TUT4: variants seen among roughly 807,000 people sequenced by gnomAD.
The protein encoded by TUT4 is terminal uridylyl transferase 4.
In TUT4, 36 loss-of-function variants were observed where a neutral mutation model predicts 192.2. That is an observed-to-expected ratio of 0.19 (90% CI 0.14 to 0.25). TUT4 has a LOEUF of 0.25. Ranked by LOEUF, TUT4 falls within the 10% of genes least tolerant of loss-of-function variation. The pLI, the probability that TUT4 is intolerant of heterozygous loss-of-function variation, is 1.00. For missense variants in TUT4, 1,493 were observed against 1,957.2 expected, an observed-to-expected ratio of 0.76 and a Z score of 4.47; for synonymous variants, 618 against 666.0, an observed-to-expected ratio of 0.93 and a Z score of 1.11.
chr1:52,511,065 A>G (rs546697664), intron 3 of TUT4, among the ~76,000 whole-genome samples: 4 of 152,186 alleles, frequency 2.6e-5, no homozygotes, highest in African/African-American at 9.6e-5. Flanking sequence ...AAAATTACAT[A>G]ATTTCTTTTA....
At chr1:52,477,997 T>A in intron 11 of TUT4, 115 bp from the exon 12 acceptor site, 1 of 997,874 alleles carries the variant, frequency 1.0e-6, no homozygotes, top group Non-Finnish European at 1.4e-6. Context: ...CATGAAGGAG[T>A]AATTTGCCAA....
chr1:52,440,203 G>A lies in TUT4; in HGVS notation c.3823-1868C>T, dbSNP rs369109031. Among the ~76,000 whole-genome samples the A allele has an allele frequency of 1.2e-4, 19 of 152,210 alleles. No individual in the cohort carries two copies. The East Asian group carries it at 2.5e-3, about 20-fold the overall frequency. The stretch of plus-strand genomic sequence containing the variant: ...TGTTCTAAAATTAAATTGTGGGGAC[G>A]GTTGCACAATCCTGTATATATATTA... On this transcript the variant is annotated intron_variant, in intron 24 of 29. Transcript: ENST00000257177.
chr1:52,468,472 G>A, intron 14 of TUT4: 3 of 463,396 alleles, frequency 6.5e-6, no homozygotes, highest in South Asian at 3.6e-5. Context: ...AGCAACCCAG[G>A]GGAAGAAACG....
intron 20 of TUT4, among the ~76,000 whole-genome samples, chr1:52,452,382 C>G (rs535086769): frequency 5.9e-5 from 9 of 152,280 alleles, no homozygotes; most frequent in African/African-American, 1.9e-4. Context: ...TTTTTGTATG[C>G]AAGCAAGTTG....
intron 24 of TUT4, 123 bp from the exon 25 acceptor site, chr1:52,438,458 C>A: frequency 1.5e-6 from 1 of 649,454 alleles, no homozygotes; most frequent in Admixed American, 3.1e-5. Context: ...ACAAATATTT[C>A]ACTGTAAGAA....
At chr1:52,424,261 T>C in intron 29 of TUT4, 1 of 450,834 alleles carries the variant, frequency 2.2e-6, no homozygotes, top group South Asian at 2.5e-5. Flanking sequence ...AGTTGCAGAC[T>C]CTCCCCTCCT....
At chr1:52,543,269 G>A (rs1426987006) in intron 1 of TUT4, among the ~76,000 whole-genome samples, 2 of 151,922 alleles carry the variant, frequency 1.3e-5, no homozygotes, top group South Asian at 2.1e-4. Context: ...GTCAACACAC[G>A]AAAAACCAGC....
Position 52,548,139 on chromosome 1 carries a change from T to C in TUT4, c.-94+4792A>G, listed in dbSNP as rs138248342. ...GTCAAATTGTGTCTTAATATTACCA[T>C]GAAAACAGTTTGACTCAGAGACACC... On this transcript the variant is annotated intron_variant, in intron 1 of 29. Transcript: ENST00000257177. Among the ~76,000 whole-genome samples, 764 of 152,206 alleles carry C rather than the reference T, an allele frequency of 5.0e-3. 6 individuals carry two copies. The highest frequency in any genetic ancestry group is 0.017 in the African/African-American group (708 of 41,522).
intron 13 of TUT4, among the ~76,000 whole-genome samples, chr1:52,474,583 T>C (rs1235291893): frequency 4.6e-5 from 7 of 152,302 alleles, no homozygotes; most frequent in Non-Finnish European, 1.0e-4. Context: ...AAATATCAGA[T>C]GAATCCTTTC....
intron 20 of TUT4, among the ~76,000 whole-genome samples, chr1:52,448,720 G>T (rs1420258732): frequency 6.6e-6 from 1 of 151,492 alleles, no homozygotes; most frequent in Non-Finnish European, 1.5e-5. Context: ...TATCCTTAAA[G>T]ATTCAGACGC....
chr1:52,490,001 C>T (rs1390319240), intron 8 of TUT4, among the ~76,000 whole-genome samples: 3 of 152,090 alleles, frequency 2.0e-5, no homozygotes, highest in Non-Finnish European at 4.4e-5. Flanking sequence ...ATCTCTTAGA[C>T]TTATAGACAT....
At chr1:52,527,627 A>G (rs1571310797) in intron 1 of TUT4, among the ~76,000 whole-genome samples, 1 of 152,214 alleles carries the variant, frequency 6.6e-6, no homozygotes, top group South Asian at 2.1e-4. Flanking sequence ...CTATGACACT[A>G]TAATAGTGAA....
chr1:52,444,096 C>T (rs1656597410), intron 24 of TUT4, among the ~76,000 whole-genome samples: 1 of 151,932 alleles, frequency 6.6e-6, no homozygotes, highest in South Asian at 2.1e-4. Flanking sequence ...ATTAGCTGGG[C>T]GTGGTGTCGG....
At chr1:52,454,347 A>G (rs959757062) in intron 20 of TUT4, among the ~76,000 whole-genome samples, 8 of 152,216 alleles carry the variant, frequency 5.3e-5, no homozygotes, top group Admixed American at 5.2e-4. Flanking sequence ...TACTATAAAT[A>G]AGAGAGTATG....
intron 20 of TUT4, among the ~76,000 whole-genome samples, chr1:52,457,428 G>T (rs572925603): frequency 6.6e-6 from 1 of 151,954 alleles, no homozygotes; most frequent in Admixed American, 6.6e-5. Context: ...TAGAGACGGG[G>T]TTTCACCATG....
intron 9 of TUT4, among the ~76,000 whole-genome samples, chr1:52,482,685 C>T (rs1369465595): frequency 1.2e-4 from 19 of 152,154 alleles, no homozygotes; most frequent in South Asian, 2.1e-4. Flanking sequence ...TCTCCCCGCT[C>T]GGCCTCCCAA....
At chr1:52,511,994 G>A (rs780096683) in intron 3 of TUT4, among the ~76,000 whole-genome samples, 1 of 152,180 alleles carries the variant, frequency 6.6e-6, no homozygotes, top group Non-Finnish European at 1.5e-5. Context: ...TTGCTTTCAG[G>A]AGTTGAAAGC....
intron 28 of TUT4, among the ~76,000 whole-genome samples, chr1:52,429,127 A>C (rs1570106824): frequency 7.7e-6 from 1 of 129,944 alleles, no homozygotes; most frequent in Non-Finnish European, 1.6e-5. Context: ...TCTGTCGCCC[A>C]GGCTGGAGTG....
At chr1:52,550,542 G>C (rs975595311) in intron 1 of TUT4, among the ~76,000 whole-genome samples, 1 of 132,152 alleles carries the variant, frequency 7.6e-6, no homozygotes, top group African/African-American at 2.9e-5. Flanking sequence ...TTACTCTGTC[G>C]CCCAGGCTGG....
Sources: allele counts gnomAD v4.1 joint callset (sites outside exome capture counted in the v4.1 genomes callset), GRCh38; gene constraint gnomAD v4.1.1; transcripts MANE v1.5; gene names NCBI Gene and HGNC (gene_info 2026-07-23, HGNC 2026-07-21).